The following MTHFD1L variants were observed in gnomAD, a reference collection of about 807,000 sequenced individuals.
MTHFD1L encodes the protein methylenetetrahydrofolate dehydrogenase (NADP+ dependent) 1 like, also known as monofunctional C1-tetrahydrofolate synthase, mitochondrial.
MTHFD1L carries 81 observed loss-of-function variants against 119.5 expected under a neutral mutation model. That is an observed-to-expected ratio of 0.68 (90% CI 0.57 to 0.82). The LOEUF is 0.82. Ranked by LOEUF, MTHFD1L falls within the 40% of genes least tolerant of loss-of-function variation. MTHFD1L has a pLI of 0.00. For missense variants in MTHFD1L, 1,125 were observed against 1,253.4 expected (o/e 0.90, Z 1.55); for synonymous variants, 430 against 475.2 (o/e 0.90, Z 1.24).
chr6:150,951,030 A>AT (rs1794785116), intron 16 of MTHFD1L, among the ~76,000 whole-genome samples: 2 of 122,520 alleles, frequency 1.6e-5, no homozygotes, highest in Non-Finnish European at 1.7e-5. Context: ...TGGAAACTTT[A>AT]TGGTTTTTTT....
chr6:150,978,572 A>T (rs1465069236), intron 20 of MTHFD1L, among the ~76,000 whole-genome samples: 2 of 152,178 alleles, frequency 1.3e-5, no homozygotes, highest in Non-Finnish European at 2.9e-5. Context: ...GGATTTAGAA[A>T]TCAGAATGAA....
At chr6:151,008,621 G>A (rs145364131) in intron 20 of MTHFD1L, among the ~76,000 whole-genome samples, 15 of 152,220 alleles carry the variant, frequency 9.9e-5, no homozygotes, top group East Asian at 1.9e-4. Flanking sequence ...CCAGTGCCTC[G>A]CTATCTTGAA....
intron 19 of MTHFD1L, among the ~76,000 whole-genome samples, chr6:150,971,321 C>T (rs942179947): frequency 2.0e-5 from 3 of 152,216 alleles, no homozygotes; most frequent in South Asian, 2.1e-4. Context: ...TTCAGCCTCC[C>T]GAGTAGCTGA....
chr6:151,058,186 T>A (rs11758524), intron 26 of MTHFD1L, among the ~76,000 whole-genome samples: 10,538 of 152,256 alleles, frequency 0.069, 425 homozygotes, highest in African/African-American at 0.11. Flanking sequence ...CTTAAGCTGG[T>A]TTATTGCACT....
rs1786383054 is a variant in MTHFD1L, at chr6:151,037,627, G to A, written c.2847+510G>A. On this transcript the variant is annotated intron_variant, in intron 26 of 27. Coordinates refer to ENST00000367321, the MANE Select transcript of MTHFD1L (RefSeq NM_015440.5). Reference sequence around the variant, plus strand: ...AATCATAGGAGTTCTCATTTTTGATGTTGTTGTGATGGGATCATGTTGCTA... The same window carrying A: ...AATCATAGGAGTTCTCATTTTTGATATTGTTGTGATGGGATCATGTTGCTA... Among the ~76,000 whole-genome samples, 3 of 152,272 alleles carry A rather than the reference G, an allele frequency of 2.0e-5. No individual in the cohort carries two copies. In the South Asian group the frequency reaches 6.2e-4, roughly 32 times the overall value.
intron 17 of MTHFD1L, among the ~76,000 whole-genome samples, chr6:150,958,731 C>T (rs12205234): frequency 0.28 from 43,155 of 151,906 alleles, 6,461 homozygotes; most frequent in East Asian, 0.49. Flanking sequence ...TGAACAATAA[C>T]GTTTTCATTG....
At chr6:150,942,590 T>A (rs980115740) in intron 13 of MTHFD1L, among the ~76,000 whole-genome samples, 3 of 152,152 alleles carry the variant, frequency 2.0e-5, no homozygotes, top group Non-Finnish European at 4.4e-5. Flanking sequence ...AATGGGGGGA[T>A]AATAATAGGA....
At chr6:150,921,012 C>T (rs906348475) in intron 9 of MTHFD1L, among the ~76,000 whole-genome samples, 19 of 134,034 alleles carry the variant, frequency 1.4e-4, no homozygotes, top group Middle Eastern at 5.1e-3. Flanking sequence ...AGTGTAATGT[C>T]GCAAACTCGG....
chr6:150,876,506 A>G (rs1004169325), intron 2 of MTHFD1L, among the ~76,000 whole-genome samples: 2 of 152,180 alleles, frequency 1.3e-5, no homozygotes, highest in Non-Finnish European at 1.5e-5. Context: ...GTGCTGGGGG[A>G]AAAAGTGGCA....
chr6:151,082,367 A>G (rs1045489892), intron 26 of MTHFD1L, among the ~76,000 whole-genome samples: 30 of 152,204 alleles, frequency 2.0e-4, no homozygotes, highest in Middle Eastern at 3.2e-3. Context: ...TTTCTCTCTT[A>G]CAGCCTTATC....
intron 19 of MTHFD1L, among the ~76,000 whole-genome samples, chr6:150,965,797 T>C (rs1319281048): frequency 6.6e-6 from 1 of 152,210 alleles, no homozygotes. Context: ...TTTATTGTTG[T>C]TTGTTTGTTT....
intron 26 of MTHFD1L, among the ~76,000 whole-genome samples, chr6:151,045,237 A>G (rs1420132053): frequency 6.6e-6 from 1 of 152,160 alleles, no homozygotes; most frequent in Non-Finnish European, 1.5e-5. Context: ...CAATGAGACA[A>G]TTAAACATTC....
At chr6:150,909,454 G>T (rs767570215) in intron 8 of MTHFD1L, among the ~76,000 whole-genome samples, 3 of 151,982 alleles carry the variant, frequency 2.0e-5, no homozygotes, top group Non-Finnish European at 4.4e-5. Context: ...TGTTGCCCAG[G>T]CTGGTCTTGA....
intron 20 of MTHFD1L, among the ~76,000 whole-genome samples, chr6:151,002,864 T>C (rs1295541572): frequency 6.6e-6 from 1 of 152,224 alleles, no homozygotes; most frequent in Non-Finnish European, 1.5e-5. Flanking sequence ...CTCAGTGCTA[T>C]GGAGACCTTG....
chr6:150,975,432 C>T (rs550630954), intron 20 of MTHFD1L, among the ~76,000 whole-genome samples: 2 of 152,238 alleles, frequency 1.3e-5, no homozygotes, highest in East Asian at 1.9e-4. Flanking sequence ...CTGTGGGGCT[C>T]GTTCATTCCT....
At chr6:150,951,918 A>G (rs1794932459) in intron 16 of MTHFD1L, among the ~76,000 whole-genome samples, 1 of 152,162 alleles carries the variant, frequency 6.6e-6, no homozygotes. Flanking sequence ...TGGATGTGCT[A>G]AAAGAGAAAG....
At chr6:151,085,593 A>G (rs889546267) in intron 26 of MTHFD1L, among the ~76,000 whole-genome samples, 1 of 152,156 alleles carries the variant, frequency 6.6e-6, no homozygotes, top group Non-Finnish European at 1.5e-5. Flanking sequence ...CAACATGGCA[A>G]AACCCCATCT....
At chr6:151,024,699 C>T (rs974709248) in intron 24 of MTHFD1L, among the ~76,000 whole-genome samples, 3 of 152,136 alleles carry the variant, frequency 2.0e-5, no homozygotes, top group East Asian at 1.9e-4. Context: ...CATCGTGGTG[C>T]GTGCCTGTAA....
chr6:150,898,848 TTTC>T (rs1562341209), intron 7 of MTHFD1L: 1 of 378,678 alleles, frequency 2.6e-6, no homozygotes, highest in Admixed American at 3.7e-5. Flanking sequence ...TTATTATTAT[TTTC>T]TTTTTCAGAC....
Sources: gnomAD v4.1 joint callset for allele counts (sites outside exome capture counted in the v4.1 genomes callset) on GRCh38, gnomAD v4.1.1 for gene constraint, MANE v1.5 for transcripts, NCBI Gene and HGNC (gene_info 2026-07-23, HGNC 2026-07-21) for gene names.